MRTFA: variants seen among roughly 807,000 people sequenced by gnomAD.
The protein encoded by MRTFA is myocardin-related transcription factor A.
In MRTFA, 20 loss-of-function variants were observed where a neutral mutation model predicts 83.5. The observed-to-expected ratio is 0.24, with a 90% CI of 0.17 to 0.35. The LOEUF is 0.35. Ranked by LOEUF, MRTFA falls within the 10% of genes least tolerant of loss-of-function variation. The pLI is 1.00. For missense variants in MRTFA, 1,200 were observed against 1,224.7 expected (o/e 0.98, Z 0.30); for synonymous variants, 659 against 541.2 (o/e 1.22, Z -3.02).
intron 4 of MRTFA, among the ~76,000 whole-genome samples, chr22:40,442,849 A>C (rs2053303029): frequency 6.6e-6 from 1 of 152,186 alleles, no homozygotes; most frequent in South Asian, 2.1e-4. Flanking sequence ...TGAAGGTATA[A>C]AAGAACAAGG....
chr22:40,550,154 C>T (rs549261995), intron 3 of MRTFA, among the ~76,000 whole-genome samples: 26 of 150,226 alleles, frequency 1.7e-4, no homozygotes, highest in East Asian at 1.2e-3. Flanking sequence ...GAGATGGGCA[C>T]GCAGGTATTC....
intron 3 of MRTFA, among the ~76,000 whole-genome samples, chr22:40,534,713 G>T (rs766947437): frequency 6.6e-6 from 1 of 152,200 alleles, no homozygotes; most frequent in Non-Finnish European, 1.5e-5. Flanking sequence ...ATGATATTAA[G>T]ATTACTTTCA....
intron 3 of MRTFA, among the ~76,000 whole-genome samples, chr22:40,536,457 A>G (rs1344513813): frequency 6.8e-6 from 1 of 146,478 alleles, no homozygotes; most frequent in Non-Finnish European, 1.5e-5. Flanking sequence ...GCGGGGCCCG[A>G]GGGCAAGGAG....
At chr22:40,518,821 A>C (rs1360652515) in intron 3 of MRTFA, among the ~76,000 whole-genome samples, 11 of 143,998 alleles carry the variant, frequency 7.6e-5, no homozygotes, top group African/African-American at 7.7e-5. Context: ...AAAAAAAAAA[A>C]CCAGTGTCTG....
chr22:40,523,750 ACTTTGAGT>A (rs1454228446), intron 3 of MRTFA: 1 of 152,238 alleles, frequency 6.6e-6, no homozygotes, highest in Non-Finnish European at 1.5e-5. Flanking sequence ...CTTGGAACAT[ACTTTGAGT>A]AGCAAGGTAT....
chr22:40,626,453 C>T (rs1184563037), intron 1 of MRTFA, among the ~76,000 whole-genome samples: 1 of 152,060 alleles, frequency 6.6e-6, no homozygotes, highest in African/African-American at 2.4e-5. Context: ...GCGCCGCGCC[C>T]GGTTATTTTT....
chr22:40,522,843 G>A (rs534384342), intron 3 of MRTFA: 1 of 152,198 alleles, frequency 6.6e-6, no homozygotes, highest in South Asian at 2.1e-4. Context: ...TGTTCGGGAT[G>A]GTTTCAACCA....
At position 40,410,996 on chromosome 22, in the gene MRTFA, A is replaced by G. The variant is rs780381482; in HGVS notation, c.*394T>C. 144 of 242,676 alleles carry G rather than the reference A, an allele frequency of 5.9e-4. No individual in the cohort carries two copies. Among genetic ancestry groups the G allele is most frequent in the Non-Finnish European group, 9.7e-4 (121 of 125,206 alleles). The allele number at this position is 242,676 out of a possible 1,614,324, so 15.0% of individuals were successfully genotyped here. A position where few individuals can be genotyped will look rare whatever the true frequency, so the allele number is the denominator to read the frequency against. ...AGCAAAGCAGGGAGAGAAAGGAAGG[A>G]GATTCACCCCTTAACCTGTCTCAGC... On this transcript the variant is annotated 3_prime_UTR_variant, in exon 15 of 15. Coordinates refer to ENST00000355630, the MANE Select transcript of MRTFA (RefSeq NM_020831.6).
chr22:40,417,212 C>G, intron 13 of MRTFA, 129 bp downstream of exon 13: 5 of 1,419,740 alleles, frequency 3.5e-6, no homozygotes, highest in Non-Finnish European at 4.8e-6. Context: ...AACCCACTCC[C>G]CAAGGCCTCT....
chr22:40,581,094 G>C (rs2055940229), intron 2 of MRTFA, among the ~76,000 whole-genome samples: 1 of 151,886 alleles, frequency 6.6e-6, no homozygotes, highest in Non-Finnish European at 1.5e-5. Flanking sequence ...TTACAGGCAT[G>C]AGCCACCATG....
intron 4 of MRTFA, 45 bp downstream of exon 4, chr22:40,463,176 G>A (rs1432455131): frequency 6.5e-7 from 1 of 1,533,054 alleles, no homozygotes; most frequent in South Asian, 1.1e-5. Flanking sequence ...ACACAGCCAT[G>A]TCCTAAAAGC....
intron 4 of MRTFA, among the ~76,000 whole-genome samples, chr22:40,455,193 A>G (rs2147135919): frequency 6.6e-6 from 1 of 152,302 alleles, no homozygotes; most frequent in Non-Finnish European, 1.5e-5. Flanking sequence ...AATTAATTAA[A>G]ATTAAATAAA....
At chr22:40,595,691 A>C (rs1229570697) in intron 1 of MRTFA, among the ~76,000 whole-genome samples, 1 of 152,150 alleles carries the variant, frequency 6.6e-6, no homozygotes, top group Non-Finnish European at 1.5e-5. Context: ...AATCATTCAC[A>C]GTAAAAAATC....
intron 3 of MRTFA, among the ~76,000 whole-genome samples, chr22:40,546,149 AATTT>A (rs1333764622): frequency 1.3e-5 from 2 of 152,206 alleles, no homozygotes; most frequent in African/African-American, 4.8e-5. Context: ...CTAACTCTAG[AATTT>A]ATTCTGTTCT....
intron 4 of MRTFA, among the ~76,000 whole-genome samples, chr22:40,437,227 G>A (rs974305072): frequency 1.1e-4 from 16 of 152,042 alleles, no homozygotes; most frequent in African/African-American, 2.7e-4. Context: ...TGGGTAAATA[G>A]ACACCCCCTG....
chr22:40,437,262 A>G (rs2147103924), intron 4 of MRTFA, among the ~76,000 whole-genome samples: 1 of 152,238 alleles, frequency 6.6e-6, no homozygotes, highest in East Asian at 1.9e-4. Context: ...GTGTAACGCT[A>G]GCTCAACTCC....
intron 3 of MRTFA, among the ~76,000 whole-genome samples, chr22:40,500,930 T>C (rs2054457939): frequency 6.8e-6 from 1 of 146,318 alleles, no homozygotes; most frequent in Non-Finnish European, 1.5e-5. Flanking sequence ...GACGGGGTGG[T>C]GGCCGGGCAG....
chr22:40,491,629 A>C (rs2054274186), intron 3 of MRTFA, among the ~76,000 whole-genome samples: 1 of 152,218 alleles, frequency 6.6e-6, no homozygotes, highest in South Asian at 2.1e-4. Context: ...TTTATGGATA[A>C]AACATTGAAT....
At chr22:40,618,799 C>T (rs1404675333) in intron 1 of MRTFA, among the ~76,000 whole-genome samples, 6 of 151,892 alleles carry the variant, frequency 4.0e-5, no homozygotes, top group African/African-American at 1.2e-4. Flanking sequence ...CCAGTCTCTA[C>T]TAAAAATACA....
Sources: gnomAD v4.1 joint callset for allele counts (sites outside exome capture counted in the v4.1 genomes callset) on GRCh38, gnomAD v4.1.1 for gene constraint, MANE v1.5 for transcripts, NCBI Gene and HGNC (gene_info 2026-07-23, HGNC 2026-07-21) for gene names.